TEK: variants seen among roughly 807,000 people sequenced by gnomAD.
The protein encoded by TEK is TEK receptor tyrosine kinase, also known as angiopoietin-1 receptor.
A neutral mutation model predicts 131.8 loss-of-function variants in TEK; 43 were observed. That is an observed-to-expected ratio of 0.33 (90% CI 0.26 to 0.42). The LOEUF is 0.42. TEK is among the 10% of genes least tolerant of loss of function. The pLI is 1.00. For missense variants in TEK, 1,162 were observed against 1,384.4 expected (o/e 0.84, Z 2.55); for synonymous variants, 580 against 491.6 (o/e 1.18, Z -2.38).
chr9:27,133,870 T>C (rs953498447), intron 1 of TEK, among the ~76,000 whole-genome samples: 1 of 152,194 alleles, frequency 6.6e-6, no homozygotes, highest in African/African-American at 2.4e-5. Context: ...AAAAACACAT[T>C]GGGGAACCCC....
At position 27,153,341 on chromosome 9, in the gene TEK, T is replaced by C. The variant is rs180776901; in HGVS notation, c.53-4490T>C. On this transcript the variant is annotated intron_variant, in intron 1 of 22. Coordinates refer to ENST00000380036, the MANE Select transcript of TEK (RefSeq NM_000459.5). ...CGCGGGCACTTGTAATCCCAGCTAC[T>C]CGAGAGGCTGAGGCAGGAGATTCTT... Among the ~76,000 whole-genome samples the C allele has an allele frequency of 3.3e-3, 506 of 152,222 alleles. 3 individuals are homozygous for C. The highest frequency in any genetic ancestry group is 0.012 in the African/African-American group (485 of 41,532).
intron 1 of TEK, among the ~76,000 whole-genome samples, chr9:27,121,340 A>T (rs115431200): frequency 0.022 from 3,282 of 151,972 alleles, 100 homozygotes; most frequent in African/African-American, 0.063. Context: ...ATAAATAAAT[A>T]AAAAAAATAG....
At chr9:27,164,833 G>C (rs1021818983) in intron 2 of TEK, among the ~76,000 whole-genome samples, 1 of 152,174 alleles carries the variant, frequency 6.6e-6, no homozygotes, top group Non-Finnish European at 1.5e-5. Flanking sequence ...ACCGCCCCCA[G>C]GTTGACAATT....
chr9:27,133,596 T>C (rs1270314294), intron 1 of TEK, among the ~76,000 whole-genome samples: 1 of 152,330 alleles, frequency 6.6e-6, no homozygotes, highest in South Asian at 2.1e-4. Flanking sequence ...CAATTGCTAG[T>C]GCATGCCTCA....
intron 7 of TEK, among the ~76,000 whole-genome samples, chr9:27,182,141 G>A (rs1266150449): frequency 1.3e-5 from 2 of 152,150 alleles, no homozygotes; most frequent in African/African-American, 2.4e-5. Context: ...TGAATTTTGT[G>A]CTTTGTTCCT....
chr9:27,136,085 A>ATTAT (rs1554689022), intron 1 of TEK, among the ~76,000 whole-genome samples: 14 of 137,016 alleles, frequency 1.0e-4, no homozygotes, highest in African/African-American at 3.8e-4. Context: ...CAGGGCAGTT[A>ATTAT]TTTTTTTTTT....
intron 21 of TEK, among the ~76,000 whole-genome samples, chr9:27,226,658 G>T (rs369332340): frequency 1.3e-5 from 2 of 152,084 alleles, no homozygotes; most frequent in Admixed American, 1.3e-4. Flanking sequence ...AACCACCATG[G>T]CACTTGTATA....
intron 21 of TEK, among the ~76,000 whole-genome samples, chr9:27,225,947 AG>A (rs1482441179): frequency 2.0e-5 from 3 of 152,238 alleles, no homozygotes; most frequent in Non-Finnish European, 4.4e-5. Context: ...ACTTCTCAAA[AG>A]AAGATATTTA....
At chr9:27,120,854 G>C (rs114302576) in intron 1 of TEK, among the ~76,000 whole-genome samples, 2,084 of 152,312 alleles carry the variant, frequency 0.014, 40 homozygotes, top group African/African-American at 0.047. Flanking sequence ...TGGTGCCTAA[G>C]AGGTTTCAGA....
chr9:27,201,177 C>T (rs1825200119), intron 12 of TEK, among the ~76,000 whole-genome samples: 1 of 152,158 alleles, frequency 6.6e-6, no homozygotes, highest in African/African-American at 2.4e-5. Flanking sequence ...GGGTCCAGAC[C>T]CGCTGAATTT....
intron 1 of TEK, among the ~76,000 whole-genome samples, chr9:27,118,720 C>T (rs867496800): frequency 6.6e-6 from 1 of 152,280 alleles, no homozygotes; most frequent in Middle Eastern, 3.4e-3. Context: ...TGCTTTCCCT[C>T]TAGGTGATTC....
chr9:27,228,511 C>T (rs1041847198), intron 22 of TEK, among the ~76,000 whole-genome samples: 17 of 152,100 alleles, frequency 1.1e-4, no homozygotes, highest in African/African-American at 3.9e-4. Flanking sequence ...GATACAGTCA[C>T]GTACACACTA....
intron 7 of TEK, among the ~76,000 whole-genome samples, chr9:27,181,980 C>CA (rs11405189): frequency 0.38 from 57,067 of 151,804 alleles, 10,748 homozygotes; most frequent in South Asian, 0.42. Context: ...AGTGTTTTCT[C>CA]AAAGTCCTTA....
At chr9:27,195,567 T>C in intron 11 of TEK, 1 of 447,692 alleles carries the variant, frequency 2.2e-6, no homozygotes, top group South Asian at 1.6e-5. Context: ...TGAGAATGCA[T>C]GAATTAGAGG....
chr9:27,177,191 C>A (rs577004167), intron 6 of TEK, among the ~76,000 whole-genome samples: 1 of 152,194 alleles, frequency 6.6e-6, no homozygotes, highest in East Asian at 1.9e-4. Context: ...GATTTCATTT[C>A]TCTTGGATAT....
At chr9:27,136,672 A>T (rs979021517) in intron 1 of TEK, among the ~76,000 whole-genome samples, 9 of 152,208 alleles carry the variant, frequency 5.9e-5, no homozygotes, top group Non-Finnish European at 1.3e-4. Context: ...ACAAAGAAGC[A>T]GTTTCTACAG....
In TEK at chr9:27,202,883, C is replaced by A. The variant is rs886063822; in HGVS notation, c.1973C>A (p.Ser658Tyr). The change falls in exon 13 of 23, where the codon TCT becomes TAT. Residue 658 changes from serine (S) to tyrosine (Y), a missense_variant. Coordinates refer to ENST00000380036, the MANE Select transcript of TEK (RefSeq NM_000459.5). ...SNITHSSAVISWTILDGYSIS... is the reference protein window; with the variant it reads ...SNITHSSAVIYWTILDGYSIS... ...ATTACACACTCCTCAGCTGTGATTTCTTGGACAATATTGGATGGCTATTCT... is the reference window on the plus strand; with the variant it reads ...ATTACACACTCCTCAGCTGTGATTTATTGGACAATATTGGATGGCTATTCT... 7 of 1,614,152 alleles carry A rather than the reference C, an allele frequency of 4.3e-6. No individual in the cohort carries two copies. Among genetic ancestry groups the A allele is most frequent in the Non-Finnish European group, 5.9e-6 (7 of 1,179,998 alleles).
chr9:27,183,241 G>A (rs1824459324), intron 7 of TEK, among the ~76,000 whole-genome samples: 1 of 152,182 alleles, frequency 6.6e-6, no homozygotes, highest in Non-Finnish European at 1.5e-5. Context: ...ATAAAGATCT[G>A]AGTCTGAATC....
chr9:27,208,029 A>G (rs1825461518), intron 15 of TEK, among the ~76,000 whole-genome samples: 1 of 152,102 alleles, frequency 6.6e-6, no homozygotes. Flanking sequence ...ATTGGGATCT[A>G]TTGTGAGCCT....
Sources: allele counts gnomAD v4.1 joint callset (sites outside exome capture counted in the v4.1 genomes callset), GRCh38; gene constraint gnomAD v4.1.1; transcripts MANE v1.5; gene names NCBI Gene and HGNC (gene_info 2026-07-23, HGNC 2026-07-21).